The following PHC3 variants were observed in gnomAD, a reference collection of about 807,000 sequenced individuals.
PHC3 encodes the protein polyhomeotic homolog 3, also known as polyhomeotic-like protein 3.
Under a neutral mutation model 107.4 loss-of-function variants are expected in PHC3, and 13 were observed. The observed-to-expected ratio is 0.12, with a 90% CI of 0.08 to 0.19. The LOEUF (loss-of-function observed/expected upper bound fraction) is 0.19. Among genes scored for constraint, PHC3 ranks in the 10% least tolerant of loss-of-function variants. The pLI is 1.00. For missense variants in PHC3, 992 were observed against 1,210.9 expected, an observed-to-expected ratio of 0.82 and a Z score of 2.68; for synonymous variants, 456 against 427.4, an observed-to-expected ratio of 1.07 and a Z score of -0.83.
intron 12 of PHC3, among the ~76,000 whole-genome samples, chr3:170,103,405 A>G (rs1475115530): frequency 6.6e-6 from 1 of 152,218 alleles, no homozygotes; most frequent in Non-Finnish European, 1.5e-5. Context: ...CTAACAAAAG[A>G]TTTTTCAAAT....
At chr3:170,102,336 T>TA (rs1576958993) in intron 14 of PHC3, 143 bp downstream of exon 14, 32 of 1,453,490 alleles carry the variant, frequency 2.2e-5, no homozygotes, top group Non-Finnish European at 2.8e-5. Flanking sequence ...AAACAGATCA[T>TA]ATTTCAATAA....
intron 6 of PHC3, among the ~76,000 whole-genome samples, chr3:170,144,287 G>A (rs909837526): frequency 3.6e-4 from 55 of 151,766 alleles, no homozygotes; most frequent in African/African-American, 1.3e-3. Context: ...GTTGCAGTGA[G>A]CGGAGACGGT....
chr3:170,160,709 TG>T (rs1727744813), intron 4 of PHC3, among the ~76,000 whole-genome samples: 1 of 152,202 alleles, frequency 6.6e-6, no homozygotes, highest in Non-Finnish European at 1.5e-5. Context: ...GAGACCAGCC[TG>T]GGCAACATAG....
At chr3:170,112,513 G>A (rs542428694) in intron 11 of PHC3, among the ~76,000 whole-genome samples, 120 of 146,180 alleles carry the variant, frequency 8.2e-4, no homozygotes, top group African/African-American at 2.8e-3. Flanking sequence ...ATAAGCCACC[G>A]CGCCTGGCCT....
At position 170,181,725 on chromosome 3, in the gene PHC3, T is replaced by G; in HGVS notation, c.-10A>C. ...ACTCCGCTTCCGCCATCTTCTCTCC[T>G]CCATCACTAACATGGGCTGCGCATG... On this transcript the variant is annotated 5_prime_UTR_variant, in exon 1 of 15. Coordinates refer to ENST00000495893, the MANE Select transcript of PHC3 (RefSeq NM_024947.4). 1 of 1,612,690 alleles carries G rather than the reference T, an allele frequency of 6.2e-7. No individual in the cohort carries two copies. The highest frequency in any genetic ancestry group is 8.5e-7 in the Non-Finnish European group (1 of 1,179,746).
chr3:170,124,962 ATCT>A (rs1231263725), intron 8 of PHC3, among the ~76,000 whole-genome samples: 4 of 152,188 alleles, frequency 2.6e-5, no homozygotes, highest in Non-Finnish European at 4.4e-5. Context: ...AGAATAAAAC[ATCT>A]TCTTTTGTCT....
At chr3:170,113,761 C>G (rs1480124778) in intron 10 of PHC3, among the ~76,000 whole-genome samples, 4 of 152,098 alleles carry the variant, frequency 2.6e-5, no homozygotes, top group Non-Finnish European at 5.9e-5. Context: ...AACCTATTGT[C>G]TGAGTTTAGG....
At chr3:170,103,120 C>A (rs1466356206) in intron 12 of PHC3, among the ~76,000 whole-genome samples, 186 bp from the exon 13 acceptor site, 1 of 152,078 alleles carries the variant, frequency 6.6e-6, no homozygotes, top group East Asian at 1.9e-4. Context: ...AAAAAACAGG[C>A]TCTGTGTATA....
chr3:170,103,972 A>C (rs1040250544), intron 12 of PHC3, among the ~76,000 whole-genome samples: 11 of 152,224 alleles, frequency 7.2e-5, no homozygotes, highest in Admixed American at 6.5e-4. Flanking sequence ...TAGAAGGCTA[A>C]GGTGGGTGGA....
chr3:170,149,163 G>C lies in PHC3; in HGVS notation c.496C>G (p.Gln166Glu). The C allele has an allele frequency of 1.9e-6, 3 of 1,613,096 alleles. No homozygotes were observed. The highest frequency in any genetic ancestry group is 2.5e-6 in the Non-Finnish European group (3 of 1,179,618). Residue 166 changes from glutamine to glutamate, a missense_variant, in exon 5 of 15, where the codon CAA becomes GAA. Transcript: ENST00000495893. The stretch of plus-strand genomic sequence containing the variant: ...GTACTCCCTAGTAACATAGTCTGTT[G>C]GGTAATACTGCCGCTGGTAGAACTG... ...ASSSTSGSIT[Q>E]QTMLLGSTSP...
chr3:170,131,443 T>C (rs1002254917), intron 7 of PHC3, among the ~76,000 whole-genome samples: 2 of 152,188 alleles, frequency 1.3e-5, no homozygotes, highest in African/African-American at 4.8e-5. Flanking sequence ...ATAGATTTTT[T>C]TGCAAGCATA....
chr3:170,155,142 A>G (rs114888945), intron 4 of PHC3, among the ~76,000 whole-genome samples: 1,631 of 152,260 alleles, frequency 0.011, 32 homozygotes, highest in African/African-American at 0.037. Flanking sequence ...TTAACTCCCA[A>G]CTACCTGTTA....
intron 1 of PHC3, among the ~76,000 whole-genome samples, chr3:170,181,131 C>T (rs1036252671): frequency 2.6e-5 from 4 of 152,220 alleles, no homozygotes; most frequent in African/African-American, 9.6e-5. Context: ...AGGGTGTTTT[C>T]AGCCTCACCA....
chr3:170,125,943 CA>C, intron 8 of PHC3: 2 of 965,792 alleles, frequency 2.1e-6, no homozygotes, highest in Non-Finnish European at 2.5e-6. Flanking sequence ...CTAAAAATAA[CA>C]AAGACTGCCA....
intron 7 of PHC3, 29 bp from the exon 8 acceptor site, chr3:170,129,581 C>T (rs2108468653): frequency 6.4e-7 from 1 of 1,567,008 alleles, no homozygotes; most frequent in Non-Finnish European, 8.7e-7. Flanking sequence ...ACAATTAGTA[C>T]TGATTTCAAA....
At chr3:170,176,647 A>G (rs191498529) in intron 2 of PHC3, among the ~76,000 whole-genome samples, 1 of 152,354 alleles carries the variant, frequency 6.6e-6, no homozygotes, top group Admixed American at 6.5e-5. Context: ...AAATGGAGAT[A>G]ATAATAATAG....
intron 4 of PHC3, among the ~76,000 whole-genome samples, chr3:170,151,741 T>G (rs1339908445): frequency 1.3e-5 from 2 of 152,148 alleles, no homozygotes; most frequent in East Asian, 3.8e-4. Context: ...CTGCTCCTAG[T>G]GGAGGCAGGG....
chr3:170,175,372 C>T (rs1370326399), intron 2 of PHC3, among the ~76,000 whole-genome samples: 1 of 152,070 alleles, frequency 6.6e-6, no homozygotes, highest in Non-Finnish European at 1.5e-5. Flanking sequence ...ATCAGTCAGG[C>T]GTGGTGGCTC....
At chr3:170,151,608 G>C (rs929029860) in intron 4 of PHC3, among the ~76,000 whole-genome samples, 3 of 152,148 alleles carry the variant, frequency 2.0e-5, no homozygotes, top group African/African-American at 7.2e-5. Context: ...TTTCAGGGGA[G>C]GGCTACAAGT....
Sources: gnomAD v4.1 joint callset for allele counts (sites outside exome capture counted in the v4.1 genomes callset) on GRCh38, gnomAD v4.1.1 for gene constraint, MANE v1.5 for transcripts, NCBI Gene and HGNC (gene_info 2026-07-23, HGNC 2026-07-21) for gene names.